Variants in SEC63 observed in about 807,000 individuals in gnomAD.
The protein encoded by SEC63 is SEC63 protein translocation regulator.
Under a neutral mutation model 116.2 loss-of-function variants are expected in SEC63, and 56 were observed. That is an observed-to-expected ratio of 0.48 (90% CI 0.39 to 0.60). The LOEUF (loss-of-function observed/expected upper bound fraction) is 0.60, where lower values mean the gene tolerates loss of function less well. SEC63 is among the 20% of genes least tolerant of loss of function. SEC63 has a pLI of 0.00. For synonymous variants in SEC63, 273 were observed against 294.6 expected (o/e 0.93, Z 0.75); for missense variants, 668 against 900.0 (o/e 0.74, Z 3.30).
rs1569555 is a variant in SEC63 at position 107,921,918 on chromosome 6, A to G, written c.340-9T>C. ...TCTGCTACTGTGGCTCCCTGGGGAA[A>G]AACAAAAAAAAAAAACAAGCTTTCT... On this transcript the variant is annotated splice_polypyrimidine_tract_variant and intron_variant, in intron 3 of 20. Transcript: ENST00000369002. 3.1e-3 allele frequency: 219 copies of G among 71,800 alleles called. 2 individuals are homozygous for G. Among genetic ancestry groups the G allele is most frequent in the African/African-American group, 1.0e-3 (6 of 5,822 alleles). 4.4% of individuals were successfully genotyped at this position (71,800 alleles called of 1,614,324 possible).
At chr6:107,928,008 GA>G (rs1337288874) in intron 2 of SEC63, among the ~76,000 whole-genome samples, 1 of 152,168 alleles carries the variant, frequency 6.6e-6, no homozygotes, top group Non-Finnish European at 1.5e-5. Flanking sequence ...ATATGGGGGG[GA>G]GGGGCGGATT....
chr6:107,883,289 T>C, intron 16 of SEC63, 143 bp from the exon 17 acceptor site: 1 of 931,814 alleles, frequency 1.1e-6, no homozygotes, highest in Non-Finnish European at 1.6e-6. Flanking sequence ...TTTAAAATTA[T>C]AAACATTCCT....
At chr6:107,882,904 AAATG>A (rs1786444127) in intron 17 of SEC63, 80 bp downstream of exon 17, 2 of 910,306 alleles carry the variant, frequency 2.2e-6, no homozygotes, top group Admixed American at 1.9e-5. Context: ...GCAAGCAAAC[AAATG>A]AACAACAACA....
chr6:107,935,816 TAAAG>T (rs890892737), intron 1 of SEC63, among the ~76,000 whole-genome samples: 11 of 149,674 alleles, frequency 7.3e-5, no homozygotes, highest in African/African-American at 2.2e-4. Flanking sequence ...TAAAATAAAA[TAAAG>T]AAACACATCA....
rs572616811 is a variant in SEC63 at position 107,926,916 on chromosome 6, TAC to T, written c.225-1986_225-1985del. ...TACCACAACCAATAAAGCCATGCTC[TAC>T]AGTTTCCTGAGAGCCAAAGCAAAGA... On this transcript the variant is annotated intron_variant, in intron 2 of 20. Coordinates refer to ENST00000369002, the MANE Select transcript of SEC63 (RefSeq NM_007214.5). 3.3e-5 allele frequency among the ~76,000 whole-genome samples: 5 copies of T among 152,342 alleles called. No individual in the cohort carries two copies. In the South Asian group the frequency reaches 1.0e-3, roughly 32 times the overall value.
chr6:107,881,834 T>C (rs1786420360), intron 17 of SEC63, among the ~76,000 whole-genome samples: 1 of 152,228 alleles, frequency 6.6e-6, no homozygotes, highest in Non-Finnish European at 1.5e-5. Flanking sequence ...TGAAGCTGTT[T>C]CACATTTGGC....
intron 4 of SEC63, among the ~76,000 whole-genome samples, chr6:107,914,033 C>T (rs1190695965): frequency 6.6e-6 from 1 of 152,080 alleles, no homozygotes; most frequent in Non-Finnish European, 1.5e-5. Context: ...AAAATTTCTC[C>T]TGAACAGCAG....
chr6:107,926,473 C>T (rs568946692), intron 2 of SEC63, among the ~76,000 whole-genome samples: 7 of 152,274 alleles, frequency 4.6e-5, no homozygotes, highest in Admixed American at 4.6e-4. Context: ...CTCCCAGGCT[C>T]AAGCAATCCT....
intron 18 of SEC63, among the ~76,000 whole-genome samples, chr6:107,879,133 G>A (rs1257942770): frequency 1.3e-5 from 2 of 152,132 alleles, no homozygotes; most frequent in Non-Finnish European, 2.9e-5. Context: ...AGGTAGAGAG[G>A]TTAGAAAGAT....
intron 2 of SEC63, among the ~76,000 whole-genome samples, chr6:107,925,465 C>A (rs1405012003): frequency 6.6e-6 from 1 of 152,084 alleles, no homozygotes; most frequent in East Asian, 1.9e-4. Context: ...CATGATACAG[C>A]CACACAATGC....
intron 16 of SEC63, among the ~76,000 whole-genome samples, chr6:107,884,009 G>A (rs748296360): frequency 6.6e-6 from 1 of 152,004 alleles, no homozygotes; most frequent in African/African-American, 2.4e-5. Context: ...CAGCACTCTG[G>A]GAGGCCGAGG....
intron 4 of SEC63, among the ~76,000 whole-genome samples, chr6:107,920,644 T>C (rs2114474650): frequency 6.6e-6 from 1 of 152,292 alleles, no homozygotes; most frequent in African/African-American, 2.4e-5. Context: ...CACAAAATTA[T>C]ACATCACTGA....
intron 11 of SEC63, among the ~76,000 whole-genome samples, chr6:107,903,835 C>T (rs1041464641): frequency 6.6e-6 from 1 of 152,036 alleles, no homozygotes; most frequent in African/African-American, 2.4e-5. Context: ...AACAATTGAA[C>T]AATAAAATAA....
At chr6:107,895,860 TAAAAAAAAAA>T (rs759171759) in intron 14 of SEC63, among the ~76,000 whole-genome samples, 7,094 of 103,710 alleles carry the variant, frequency 0.068, 575 homozygotes, top group African/African-American at 0.23. Context: ...GCACCTCTAT[TAAAAAAAAAA>T]AAAAAAAAAT....
chr6:107,930,693 C>T (rs745756744), intron 1 of SEC63, among the ~76,000 whole-genome samples: 5 of 151,838 alleles, frequency 3.3e-5, no homozygotes, highest in Non-Finnish European at 5.9e-5. Flanking sequence ...CTCCTAAACC[C>T]GTAAAACTTA....
intron 4 of SEC63, among the ~76,000 whole-genome samples, chr6:107,920,413 G>A (rs1051056335): frequency 1.9e-4 from 22 of 116,092 alleles, no homozygotes; most frequent in African/African-American, 5.8e-4. Flanking sequence ...GCGAAAGAGC[G>A]AGACTCCGTC....
At chr6:107,909,420 T>C (rs978953272) in intron 7 of SEC63, among the ~76,000 whole-genome samples, 1 of 150,862 alleles carries the variant, frequency 6.6e-6, no homozygotes, top group Non-Finnish European at 1.5e-5. Flanking sequence ...AAATGTTAAG[T>C]TTGAGGCAGA....
intron 11 of SEC63, among the ~76,000 whole-genome samples, chr6:107,903,598 G>A (rs1183225577): frequency 6.6e-6 from 1 of 152,142 alleles, no homozygotes; most frequent in East Asian, 1.9e-4. Context: ...CCAGCTACTC[G>A]GAGAGCTAAG....
intron 7 of SEC63, among the ~76,000 whole-genome samples, chr6:107,909,648 C>T (rs1787230289): frequency 1.3e-5 from 2 of 152,156 alleles, no homozygotes; most frequent in South Asian, 4.1e-4. Flanking sequence ...GATAAAACTA[C>T]CCACTGCTAT....
Sources: gnomAD v4.1 joint callset for allele counts (sites outside exome capture counted in the v4.1 genomes callset) on GRCh38, gnomAD v4.1.1 for gene constraint, MANE v1.5 for transcripts, NCBI Gene and HGNC (gene_info 2026-07-23, HGNC 2026-07-21) for gene names.